Variants in DOK6 observed in about 807,000 individuals in gnomAD.
The protein encoded by DOK6 is docking protein 6, also known as downstream of tyrosine kinase 6.
Under a neutral mutation model 44.0 loss-of-function variants are expected in DOK6, and 22 were observed. The ratio of observed to expected loss-of-function variants is 0.50; its 90% CI spans 0.36 to 0.71. The LOEUF (loss-of-function observed/expected upper bound fraction) is 0.71, where lower values mean the gene tolerates loss of function less well. Ranked by LOEUF, DOK6 falls within the 30% of genes least tolerant of loss-of-function variation. DOK6 has a pLI of 0.00. For synonymous variants in DOK6, 166 were observed against 145.5 expected, an observed-to-expected ratio of 1.14 and a Z score of -1.01; for missense variants, 340 against 416.4, an observed-to-expected ratio of 0.82 and a Z score of 1.60.
chr18:69,841,523 A>C lies in DOK6; in HGVS notation c.*140A>C, dbSNP rs549970516. The C allele has an allele frequency of 9.5e-4, 1,120 of 1,176,902 alleles. 1 individual carries two copies. The highest frequency in any genetic ancestry group is 1.2e-3 in the Non-Finnish European group (1,071 of 878,206). The allele number at this position is 1,176,902 out of a possible 1,614,324, so 72.9% of individuals were successfully genotyped here. ...CTAGCCCCAGTCCCATTGGAAGGTT[A>C]AAAACTGGAGTTCTGCTTCCTTGAT... On this transcript the variant is annotated 3_prime_UTR_variant, in exon 8 of 8. Transcript: ENST00000382713.
intron 1 of DOK6, among the ~76,000 whole-genome samples, chr18:69,476,322 A>G (rs537345017): frequency 2.0e-5 from 3 of 152,226 alleles, no homozygotes; most frequent in Admixed American, 6.5e-5. Context: ...TGAAGAATAT[A>G]CATAAGAGTA....
intron 7 of DOK6, among the ~76,000 whole-genome samples, chr18:69,790,445 CTG>C (rs1980560943): frequency 6.6e-6 from 1 of 152,086 alleles, no homozygotes; most frequent in Non-Finnish European, 1.5e-5. Context: ...TAAAAAATTG[CTG>C]TGTTTCTGAG....
intron 1 of DOK6, among the ~76,000 whole-genome samples, chr18:69,539,408 G>A (rs1482385576): frequency 6.7e-6 from 1 of 149,040 alleles, no homozygotes; most frequent in Non-Finnish European, 1.5e-5. Context: ...GTTTTTTTGT[G>A]AAGATAAAAA....
intron 1 of DOK6, among the ~76,000 whole-genome samples, chr18:69,517,239 G>A (rs1160427754): frequency 2.6e-5 from 4 of 152,224 alleles, no homozygotes; most frequent in Non-Finnish European, 5.9e-5. Flanking sequence ...GTAGATGGAT[G>A]CATTTATATT....
chr18:69,483,178 G>A (rs1326661963), intron 1 of DOK6, among the ~76,000 whole-genome samples: 2 of 151,872 alleles, frequency 1.3e-5, no homozygotes, highest in African/African-American at 4.8e-5. Context: ...CAAGGGTAAT[G>A]GCCTCCAGAT....
rs1270272192 is a variant in DOK6, at chr18:69,549,947, T to A, written c.67-14540T>A. Among the ~76,000 whole-genome samples, 5 of 150,274 alleles carry A rather than the reference T, an allele frequency of 3.3e-5. No individual in the cohort carries two copies. The Admixed American group carries it at 3.3e-4, about 10-fold the overall frequency. ...ATTTCTTAGATAAAGATATATTAAA[T>A]AAGAGTACAACAATAGCTATATCCA... On this transcript the variant is annotated intron_variant, in intron 1 of 7. Transcript: ENST00000382713.
chr18:69,488,453 G>A (rs149567874), intron 1 of DOK6, among the ~76,000 whole-genome samples: 16 of 152,200 alleles, frequency 1.1e-4, no homozygotes, highest in African/African-American at 3.4e-4. Context: ...CTGCCTCAAC[G>A]TTCTTGTCAT....
chr18:69,740,358 T>C (rs1978761409), intron 6 of DOK6, among the ~76,000 whole-genome samples: 1 of 152,240 alleles, frequency 6.6e-6, no homozygotes, highest in Non-Finnish European at 1.5e-5. Context: ...TTTCAAATTA[T>C]TTCAGAGTCA....
chr18:69,762,127 T>C (rs1054054477), intron 7 of DOK6, among the ~76,000 whole-genome samples: 3 of 151,672 alleles, frequency 2.0e-5, no homozygotes, highest in Non-Finnish European at 4.4e-5. Context: ...CTGGGCAATA[T>C]AGTGAGACTC....
intron 5 of DOK6, among the ~76,000 whole-genome samples, chr18:69,712,047 C>T (rs1358244433): frequency 1.3e-5 from 2 of 150,596 alleles, no homozygotes; most frequent in South Asian, 2.1e-4. Flanking sequence ...TTTGGGAGGC[C>T]GAGGCGGGCG....
intron 3 of DOK6, among the ~76,000 whole-genome samples, chr18:69,619,784 C>T (rs1211920392): frequency 6.6e-6 from 1 of 152,108 alleles, no homozygotes; most frequent in Non-Finnish European, 1.5e-5. Flanking sequence ...TGGTAGTGTG[C>T]ACCATAAACT....
intron 2 of DOK6, among the ~76,000 whole-genome samples, chr18:69,567,009 A>G (rs1982999586): frequency 6.6e-6 from 1 of 152,138 alleles, no homozygotes. Flanking sequence ...GAAAATGCCA[A>G]CTCCTATTTA....
chr18:69,501,398 A>G (rs1377275515), intron 1 of DOK6, among the ~76,000 whole-genome samples: 1 of 152,154 alleles, frequency 6.6e-6, no homozygotes, highest in Non-Finnish European at 1.5e-5. Flanking sequence ...TTGGAACCCA[A>G]TATCCTCAAA....
At chr18:69,572,463 T>C (rs144044022) in intron 2 of DOK6, among the ~76,000 whole-genome samples, 2 of 152,096 alleles carry the variant, frequency 1.3e-5, no homozygotes, top group Non-Finnish European at 2.9e-5. Context: ...AAATGTCAAG[T>C]AGTCAATTCG....
intron 4 of DOK6, among the ~76,000 whole-genome samples, chr18:69,681,817 C>G (rs779711036): frequency 6.6e-6 from 1 of 152,152 alleles, no homozygotes; most frequent in Non-Finnish European, 1.5e-5. Flanking sequence ...CAAAAGTGAA[C>G]GTCGTAACCA....
chr18:69,584,797 A>C (rs919802717), intron 2 of DOK6, among the ~76,000 whole-genome samples: 1 of 140,878 alleles, frequency 7.1e-6, no homozygotes, highest in South Asian at 2.3e-4. Context: ...TTCTGCTGAC[A>C]ATTTTGATAT....
chr18:69,757,763 C>CA lies in DOK6; in HGVS notation c.748dup (p.Ser250LysfsTer4). Reference sequence around the variant, plus strand: ...CATTCTTTTCTCTTTTAGCTTCAGACAAGCTTGACTGAACCAATGACATTA... The same window carrying CA: ...CATTCTTTTCTCTTTTAGCTTCAGACAAAGCTTGACTGAACCAATGACATTA... On this transcript the variant is annotated frameshift_variant, in exon 7 of 8. Coordinates refer to ENST00000382713, the MANE Select transcript of DOK6 (RefSeq NM_152721.6). LOFTEE classifies it high-confidence loss of function. 6.2e-7 allele frequency: 1 copy of CA among 1,613,970 alleles called. No homozygotes were observed. Among genetic ancestry groups the CA allele is most frequent in the Non-Finnish European group, 8.5e-7 (1 of 1,179,880 alleles).
At chr18:69,677,374 A>G (rs35237994) in intron 3 of DOK6, among the ~76,000 whole-genome samples, 65,206 of 149,898 alleles carry the variant, frequency 0.44, 14,712 homozygotes, top group East Asian at 0.73. Context: ...GTGTGTGTAT[A>G]TATATATATA....
intron 1 of DOK6, among the ~76,000 whole-genome samples, chr18:69,551,312 T>C (rs1982560792): frequency 6.6e-6 from 1 of 152,208 alleles, no homozygotes; most frequent in South Asian, 2.1e-4. Context: ...TATCTAATAA[T>C]CACTGACTTA....
Sources: gnomAD v4.1 joint callset for allele counts (sites outside exome capture counted in the v4.1 genomes callset) on GRCh38, gnomAD v4.1.1 for gene constraint, MANE v1.5 for transcripts, NCBI Gene and HGNC (gene_info 2026-07-23, HGNC 2026-07-21) for gene names.